Variants in RBFOX1 observed in about 807,000 individuals in gnomAD.
RBFOX1 encodes RNA binding protein fox-1 homolog 1.
A neutral mutation model predicts 57.7 loss-of-function variants in RBFOX1; 8 were observed. The observed-to-expected ratio is 0.14, with a 90% CI of 0.08 to 0.25. RBFOX1 has a LOEUF of 0.25. RBFOX1 is among the 10% of genes least tolerant of loss of function. The pLI is 1.00. For missense variants in RBFOX1, 611 were observed against 548.5 expected, an observed-to-expected ratio of 1.11 and a Z score of -1.14; for synonymous variants, 326 against 222.4, an observed-to-expected ratio of 1.47 and a Z score of -4.15.
At chr16:6,177,815 A>G (rs1261891133) in intron 1 of RBFOX1, among the ~76,000 whole-genome samples, 3 of 151,908 alleles carry the variant, frequency 2.0e-5, no homozygotes, top group Non-Finnish European at 4.4e-5. Flanking sequence ...TCACAGGCAA[A>G]ATTGATTGTG....
chr16:5,841,804 TC>T (rs950975686), intron 3 of RBFOX1, among the ~76,000 whole-genome samples: 1 of 152,170 alleles, frequency 6.6e-6, no homozygotes, highest in Non-Finnish European at 1.5e-5. Context: ...ATCGAGGACT[TC>T]CTTTCTACTC....
chr16:6,565,484 C>G (rs990506765), intron 2 of RBFOX1, among the ~76,000 whole-genome samples: 4 of 150,976 alleles, frequency 2.6e-5, no homozygotes, highest in Admixed American at 2.6e-4. Context: ...GTCTCGATCT[C>G]CTGACCTCGT....
In RBFOX1 at chr16:7,253,644, C is replaced by T. The variant is rs976440054; in HGVS notation, c.27+201546C>T. Reference sequence around the variant, plus strand: ...GTTCAGCTCATTTCTACATGACCATCTTGCCTATGCTTTGACATCACTTCT... The same window carrying T: ...GTTCAGCTCATTTCTACATGACCATTTTGCCTATGCTTTGACATCACTTCT... On this transcript the variant is annotated intron_variant, in intron 4 of 15. Coordinates refer to ENST00000550418, the MANE Select transcript of RBFOX1 (RefSeq NM_018723.4). Among the ~76,000 whole-genome samples, 8 of 152,186 alleles carry T rather than the reference C, an allele frequency of 5.3e-5. No individual in the cohort carries two copies. The East Asian group carries it at 9.6e-4, about 18-fold the overall frequency.
Position 7,439,759 on chromosome 16 carries a change from T to G in RBFOX1, c.28-78388T>G, listed in dbSNP as rs564941312. Among the ~76,000 whole-genome samples the G allele has an allele frequency of 3.3e-5, 5 of 152,286 alleles. No individual in the cohort carries two copies. In the South Asian group the frequency reaches 1.0e-3, roughly 32 times the overall value. On this transcript the variant is annotated intron_variant, in intron 4 of 15. Transcript: ENST00000550418. ...TCTTTTCCTCATGCATATTCTTTCC[T>G]GAGCATCTACCGCCAAATTTACAGA... is the stretch of plus-strand genomic sequence containing the variant.
At chr16:5,859,436 A>T (rs909384205) in intron 3 of RBFOX1, among the ~76,000 whole-genome samples, 9 of 152,206 alleles carry the variant, frequency 5.9e-5, no homozygotes, top group African/African-American at 2.2e-4. Flanking sequence ...CTTTTTAAAT[A>T]AGGAAACTGA....
At chr16:5,623,415 C>T (rs890751685) in intron 3 of RBFOX1, among the ~76,000 whole-genome samples, 2 of 152,302 alleles carry the variant, frequency 1.3e-5, no homozygotes, top group East Asian at 1.9e-4. Flanking sequence ...AGTCTCTACT[C>T]TCAGCGAGTT....
chr16:5,373,711 C>T (rs1187273779), intron 1 of RBFOX1, among the ~76,000 whole-genome samples: 1 of 149,174 alleles, frequency 6.7e-6, no homozygotes, highest in Non-Finnish European at 1.5e-5. Flanking sequence ...TCAGGCTATT[C>T]TCCTGTCTCA....
At chr16:6,805,434 G>C (rs1353771738) in intron 3 of RBFOX1, among the ~76,000 whole-genome samples, 1 of 152,016 alleles carries the variant, frequency 6.6e-6, no homozygotes, top group East Asian at 1.9e-4. Context: ...AAAATAACTT[G>C]GGTACTTGGC....
chr16:5,334,572 G>A (rs2064848411), intron 1 of RBFOX1, among the ~76,000 whole-genome samples: 2 of 152,018 alleles, frequency 1.3e-5, no homozygotes, highest in Admixed American at 6.6e-5. Context: ...AAGAAAAGAG[G>A]AGGAGGAATA....
intron 3 of RBFOX1, among the ~76,000 whole-genome samples, chr16:7,039,281 G>T (rs1388517856): frequency 6.6e-6 from 1 of 152,122 alleles, no homozygotes; most frequent in Non-Finnish European, 1.5e-5. Context: ...ACTTAGCCTT[G>T]ACAAGCTCTT....
chr16:7,314,422 T>A (rs2096391765), intron 4 of RBFOX1, among the ~76,000 whole-genome samples: 1 of 152,204 alleles, frequency 6.6e-6, no homozygotes, highest in African/African-American at 2.4e-5. Context: ...TTTAGTGCTT[T>A]ACAACCTTCC....
intron 4 of RBFOX1, among the ~76,000 whole-genome samples, chr16:7,203,296 A>G (rs1414582033): frequency 2.6e-5 from 4 of 152,222 alleles, no homozygotes; most frequent in Non-Finnish European, 4.4e-5. Flanking sequence ...TCACAAAAAC[A>G]CACGCACTGT....
intron 3 of RBFOX1, among the ~76,000 whole-genome samples, chr16:6,743,907 C>G (rs1370990265): frequency 6.6e-6 from 1 of 150,550 alleles, no homozygotes; most frequent in African/African-American, 2.5e-5. Flanking sequence ...AACCATTCAT[C>G]TATGATATAT....
At chr16:6,436,178 T>A (rs1290372496) in intron 2 of RBFOX1, among the ~76,000 whole-genome samples, 3 of 152,020 alleles carry the variant, frequency 2.0e-5, no homozygotes, top group Non-Finnish European at 2.9e-5. Context: ...TCAATACAGT[T>A]AAGTAAATGT....
intron 1 of RBFOX1, among the ~76,000 whole-genome samples, chr16:5,444,690 G>T (rs1460322471): frequency 6.6e-6 from 1 of 152,108 alleles, no homozygotes; most frequent in African/African-American, 2.4e-5. Context: ...AAAAATATGG[G>T]GCTGGGTAAA....
chr16:5,269,935 G>T (rs1485453455), intron 1 of RBFOX1, among the ~76,000 whole-genome samples: 1 of 152,120 alleles, frequency 6.6e-6, no homozygotes, highest in Admixed American at 6.5e-5. Flanking sequence ...TGGGAGGATT[G>T]CTTGAGGCCA....
At chr16:6,640,646 T>C (rs1030025270) in intron 2 of RBFOX1, among the ~76,000 whole-genome samples, 9 of 152,068 alleles carry the variant, frequency 5.9e-5, no homozygotes, top group Admixed American at 3.9e-4. Flanking sequence ...TACTACTTTA[T>C]AGAGCCAGTG....
intron 1 of RBFOX1, among the ~76,000 whole-genome samples, chr16:6,141,406 C>A (rs573040700): frequency 5.9e-5 from 9 of 152,130 alleles, no homozygotes; most frequent in Non-Finnish European, 1.0e-4. Context: ...TTCTGCTTGT[C>A]GCTTGTCTCC....
chr16:7,096,664 G>T (rs1396254703), intron 4 of RBFOX1, among the ~76,000 whole-genome samples: 3 of 152,062 alleles, frequency 2.0e-5, no homozygotes, highest in South Asian at 2.1e-4. Flanking sequence ...GAGCAGGTTG[G>T]CTCATGCCTG....
Sources: allele counts gnomAD v4.1 joint callset (sites outside exome capture counted in the v4.1 genomes callset), GRCh38; gene constraint gnomAD v4.1.1; transcripts MANE v1.5; gene names NCBI Gene and HGNC (gene_info 2026-07-23, HGNC 2026-07-21).